LIN54: variants seen among roughly 807,000 people sequenced by gnomAD.
The protein encoded by LIN54 is lin-54 DREAM MuvB core complex component.
A neutral mutation model predicts 78.7 loss-of-function variants in LIN54; 9 were observed. The ratio of observed to expected loss-of-function variants is 0.11; its 90% CI spans 0.07 to 0.20. The LOEUF (loss-of-function observed/expected upper bound fraction) is 0.20. Among genes scored for constraint, LIN54 ranks in the 10% least tolerant of loss-of-function variants. The pLI is 1.00. For synonymous variants in LIN54, 269 were observed against 318.4 expected (o/e 0.84, Z 1.65); for missense variants, 573 against 889.9 (o/e 0.64, Z 4.53).
chr4:82,958,747 T>G (rs1279926857), intron 4 of LIN54, among the ~76,000 whole-genome samples: 1 of 152,140 alleles, frequency 6.6e-6, no homozygotes, highest in Non-Finnish European at 1.5e-5. Flanking sequence ...CCACTGCCCG[T>G]GCTGGAAGGC....
intron 5 of LIN54, among the ~76,000 whole-genome samples, chr4:82,942,751 G>T (rs1723010841): frequency 6.6e-6 from 1 of 151,954 alleles, no homozygotes; most frequent in Non-Finnish European, 1.5e-5. Context: ...ACTTCCTGGT[G>T]GTCCTGAGAA....
At chr4:82,984,132 T>G (rs1726915891) in intron 2 of LIN54, 29 bp downstream of exon 2, 6 of 1,492,426 alleles carry the variant, frequency 4.0e-6, no homozygotes, top group Non-Finnish European at 5.4e-6. Context: ...ACATGCATTT[T>G]AATTAGTAAG....
chr4:82,939,709 A>G lies in LIN54; in HGVS notation c.1270T>C (p.Ser424Pro), dbSNP rs377742830. The G allele has an allele frequency of 2.5e-6, 4 of 1,614,064 alleles. No individual in the cohort carries two copies. The highest frequency in any genetic ancestry group is 3.4e-6 in the Non-Finnish European group (4 of 1,180,020). ...GGCTGGCTAGTAGTTACTATTTGTG[A>G]AGTTGGATTGATTGGTTTTGGAACA... ...QVVPKPINPTSQIVTTSQPQQ... is the reference protein window; with the variant it reads ...QVVPKPINPTPQIVTTSQPQQ... Residue 424 changes from serine to proline, a missense_variant, in exon 7 of 13, where the codon TCA (serine) becomes CCA (proline). By Grantham distance (74) the Ser-to-Pro change is moderately conservative. Around this residue, in one of 6 missense-constraint regions of LIN54, gnomAD observed 199 missense variants for 260.9 expected, o/e 0.76. Coordinates refer to ENST00000340417, the MANE Select transcript of LIN54 (RefSeq NM_194282.4).
At chr4:82,981,203 T>C (rs1726602685) in intron 2 of LIN54, among the ~76,000 whole-genome samples, 1 of 152,200 alleles carries the variant, frequency 6.6e-6, no homozygotes, top group South Asian at 2.1e-4. Flanking sequence ...ACAAGTAATT[T>C]TTGGCACTGT....
intron 4 of LIN54, among the ~76,000 whole-genome samples, chr4:82,968,719 C>T (rs1578569185): frequency 6.6e-6 from 1 of 152,286 alleles, no homozygotes; most frequent in South Asian, 2.1e-4. Flanking sequence ...GTACTAACTG[C>T]AGCCAAGGTT....
chr4:82,998,018 A>G (rs1728376626), intron 1 of LIN54, among the ~76,000 whole-genome samples: 1 of 57,828 alleles, frequency 1.7e-5, no homozygotes, highest in Non-Finnish European at 2.9e-5. Flanking sequence ...AATAATATAT[A>G]TATAATAATA....
chr4:82,937,123 A>T, intron 9 of LIN54, 104 bp downstream of exon 9: 1 of 755,410 alleles, frequency 1.3e-6, no homozygotes, highest in Non-Finnish European at 2.4e-6. Flanking sequence ...TAAATTACTT[A>T]GACTTATGAG....
chr4:82,978,879 T>G lies in LIN54; in HGVS notation c.808+4A>C. On this transcript the variant is annotated splice_donor_region_variant and intron_variant, in intron 3 of 12. Transcript: ENST00000340417. The stretch of plus-strand genomic sequence containing the variant: ...TAGCTTAATAAACTATAAAGAAATA[T>G]AACCTGCAATAACTGGTGGTGAAAC... 6.6e-7 allele frequency: 1 copy of G among 1,507,148 alleles called. No individual in the cohort carries two copies. The highest frequency in any genetic ancestry group is 9.1e-7 in the Non-Finnish European group (1 of 1,095,528). The allele number at this position is 1,507,148 out of a possible 1,614,324, so 93.4% of individuals were successfully genotyped here.
In LIN54 at chr4:82,957,178, C is replaced by T. The variant is rs190818930; in HGVS notation, c.952-10704G>A. Among the ~76,000 whole-genome samples, 505 of 152,226 alleles carry T rather than the reference C, an allele frequency of 3.3e-3. 6 individuals are homozygous for T. The highest frequency in any genetic ancestry group is 0.011 in the African/African-American group (469 of 41,546). ...AGCAAAAGCAATCAACTTCTGAAACCATTTCCCCAAGTCTGTTCTCATTTT... is the reference window on the plus strand; with the variant it reads ...AGCAAAAGCAATCAACTTCTGAAACTATTTCCCCAAGTCTGTTCTCATTTT... On this transcript the variant is annotated intron_variant, in intron 4 of 12. Transcript: ENST00000340417.
intron 12 of LIN54, among the ~76,000 whole-genome samples, chr4:82,930,309 C>G (rs1721847031): frequency 6.6e-6 from 1 of 152,230 alleles, no homozygotes; most frequent in African/African-American, 2.4e-5. Flanking sequence ...GTCCAAATCA[C>G]AAACTATGTT....
chr4:82,998,266 C>T (rs1728410751), intron 1 of LIN54, among the ~76,000 whole-genome samples: 1 of 151,666 alleles, frequency 6.6e-6, no homozygotes, highest in South Asian at 2.1e-4. Context: ...TAATCTGGGA[C>T]AGGTGCAGTG....
At chr4:82,942,892 A>ACCCCCT (rs1553948200) in intron 5 of LIN54, among the ~76,000 whole-genome samples, 3 of 142,374 alleles carry the variant, frequency 2.1e-5, no homozygotes, top group Non-Finnish European at 3.1e-5. Flanking sequence ...ACACACACAC[A>ACCCCCT]CCCTCCCTCC....
intron 4 of LIN54, among the ~76,000 whole-genome samples, chr4:82,959,512 A>G (rs1163359398): frequency 6.6e-6 from 1 of 152,138 alleles, no homozygotes; most frequent in Non-Finnish European, 1.5e-5. Flanking sequence ...AACAAAAACA[A>G]AAACAAAAAA....
intron 1 of LIN54, among the ~76,000 whole-genome samples, chr4:82,997,244 G>C (rs1435140062): frequency 6.6e-6 from 1 of 152,012 alleles, no homozygotes; most frequent in Non-Finnish European, 1.5e-5. Context: ...AATTTGAGTA[G>C]GATAGGTTTA....
In LIN54 at chr4:82,984,754, C is replaced by T. The variant is rs773904109; in HGVS notation, c.91G>A (p.Ala31Thr). 6.2e-7 allele frequency: 1 copy of T among 1,613,960 alleles called. No homozygotes were observed. The highest frequency in any genetic ancestry group is 1.1e-5 in the South Asian group (1 of 91,074). Residue 31 changes from alanine (A) to threonine (T), a missense_variant, in exon 2 of 13, where the codon GCT becomes ACT. Physicochemically the swap from Ala to Thr is moderately conservative, Grantham distance 58. Transcript: ENST00000340417. The stretch of plus-strand genomic sequence containing the variant: ...GGAATTGGGGATGAAACAATAACAG[C>T]CTCAATACTATCATCATCCACTAAA... ...ITLVDDDSIE[A>T]VIVSSPIPME... is the part of the protein sequence containing the mutation.
chr4:82,933,546 G>C (rs1239654384), intron 11 of LIN54, among the ~76,000 whole-genome samples: 4 of 152,206 alleles, frequency 2.6e-5, no homozygotes, highest in Non-Finnish European at 5.9e-5. Flanking sequence ...CAATTCAGCT[G>C]AAGAACAAGG....
At chr4:82,966,062 G>A (rs927904102) in intron 4 of LIN54, among the ~76,000 whole-genome samples, 2 of 151,926 alleles carry the variant, frequency 1.3e-5, no homozygotes, top group African/African-American at 2.4e-5. Context: ...CTCTCCCACT[G>A]GCTCCTTTTC....
At chr4:82,940,915 T>C (rs1397322028) in intron 5 of LIN54, among the ~76,000 whole-genome samples, 2 of 152,082 alleles carry the variant, frequency 1.3e-5, no homozygotes, top group Non-Finnish European at 2.9e-5. Context: ...TTCTTGAAAA[T>C]TGATCAGAAC....
chr4:82,999,665 C>T (rs1179493583), intron 1 of LIN54, among the ~76,000 whole-genome samples: 7 of 150,832 alleles, frequency 4.6e-5, no homozygotes, highest in African/African-American at 1.7e-4. Context: ...GTGGTCCCAG[C>T]TACTTGGGAG....
Sources: allele counts gnomAD v4.1 joint callset (sites outside exome capture counted in the v4.1 genomes callset), GRCh38; gene constraint gnomAD v4.1.1; regional missense constraint gnomAD v4.1.1; transcripts MANE v1.5; gene names NCBI Gene and HGNC (gene_info 2026-07-23, HGNC 2026-07-21).